The following MPPED1 variants were observed in gnomAD, a reference collection of about 807,000 sequenced individuals.
MPPED1 encodes the protein metallophosphoesterase domain-containing protein 1.
Under a neutral mutation model 36.2 loss-of-function variants are expected in MPPED1, and 16 were observed. The ratio of observed to expected loss-of-function variants is 0.44; its 90% CI spans 0.30 to 0.67. The LOEUF (loss-of-function observed/expected upper bound fraction) is 0.67, where lower values mean the gene tolerates loss of function less well. Ranked by LOEUF, MPPED1 falls within the 30% of genes least tolerant of loss-of-function variation. The probability of loss-of-function intolerance (pLI) is 0.10; values close to 1 mark genes in which losing one functional copy is unlikely to be tolerated. For missense variants in MPPED1, 307 were observed against 453.4 expected (o/e 0.68, Z 2.93); for synonymous variants, 199 against 191.3 (o/e 1.04, Z -0.33).
chr22:43,496,295 G>A (rs867992002), intron 4 of MPPED1, among the ~76,000 whole-genome samples: 2 of 56,958 alleles, frequency 3.5e-5, no homozygotes, highest in African/African-American at 1.6e-4. Context: ...GGTGGAGGTG[G>A]TGGTGGAGGT....
chr22:43,440,382 G>C (rs1569070499), intron 3 of MPPED1, among the ~76,000 whole-genome samples: 2 of 152,134 alleles, frequency 1.3e-5, no homozygotes, highest in Non-Finnish European at 2.9e-5. Context: ...GATGAAATGT[G>C]CTAGCATGCA....
At chr22:43,498,699 C>T (rs1013378999) in intron 5 of MPPED1, among the ~76,000 whole-genome samples, 1 of 152,088 alleles carries the variant, frequency 6.6e-6, no homozygotes, top group Non-Finnish European at 1.5e-5. Context: ...CTCCGGGCAG[C>T]CCTAACTCCC....
intron 3 of MPPED1, among the ~76,000 whole-genome samples, chr22:43,458,151 A>G (rs1336405159): frequency 6.6e-6 from 1 of 152,214 alleles, no homozygotes; most frequent in African/African-American, 2.4e-5. Flanking sequence ...TGTTTGTACA[A>G]TATCAAAATC....
intron 1 of MPPED1, among the ~76,000 whole-genome samples, chr22:43,421,285 C>A (rs2146815027): frequency 6.6e-6 from 1 of 152,364 alleles, no homozygotes; most frequent in South Asian, 2.1e-4. Flanking sequence ...ATTAAATGGG[C>A]ATTAAAAGAA....
chr22:43,470,902 G>A (rs1384838721), intron 3 of MPPED1, among the ~76,000 whole-genome samples: 6 of 152,362 alleles, frequency 3.9e-5, no homozygotes, highest in Non-Finnish European at 1.5e-5. Flanking sequence ...GTGTTCATAA[G>A]TGGATGTCCC....
intron 1 of MPPED1, among the ~76,000 whole-genome samples, chr22:43,420,864 CTT>C (rs1212082773): frequency 6.6e-6 from 1 of 152,238 alleles, no homozygotes; most frequent in Non-Finnish European, 1.5e-5. Context: ...GCAGGAGCCT[CTT>C]TGTTTTTCCA....
At chr22:43,465,418 G>A (rs766985930) in intron 3 of MPPED1, among the ~76,000 whole-genome samples, 4 of 152,354 alleles carry the variant, frequency 2.6e-5, no homozygotes, top group East Asian at 1.9e-4. Context: ...TGACCTCCCC[G>A]GCCCTTGCCA....
chr22:43,495,252 AGGTGGTGATGGAGGT>A, intron 4 of MPPED1, among the ~76,000 whole-genome samples: 1 of 99,486 alleles, frequency 1.0e-5, no homozygotes, highest in Non-Finnish European at 2.1e-5. Context: ...GTGGTGATGG[AGGTGGTGATGGAGGT>A]GGTGGTGGTG....
In MPPED1 at chr22:43,480,295, G is replaced by A. The variant is rs185073427; in HGVS notation, c.632+5334G>A. Among the ~76,000 whole-genome samples, 186 of 152,280 alleles carry A rather than the reference G, an allele frequency of 1.2e-3. 1 individual carries two copies. Among genetic ancestry groups the A allele is most frequent in the African/African-American group, 4.2e-3 (174 of 41,544 alleles). ...CTACTGGGGGCAGGGGCCTGTGACT[G>A]TTGGCATCCTCTGCTTACCCAGCCT... On this transcript the variant is annotated intron_variant, in intron 4 of 6. Coordinates refer to ENST00000443721, the MANE Select transcript of MPPED1 (RefSeq NM_001044370.2).
intron 3 of MPPED1, among the ~76,000 whole-genome samples, chr22:43,455,529 T>C (rs972126507): frequency 2.0e-5 from 3 of 152,200 alleles, no homozygotes; most frequent in African/African-American, 4.8e-5. Context: ...TCTGAGGTAC[T>C]AGGGATTAAG....
At chr22:43,437,432 G>A (rs1351637363) in intron 3 of MPPED1, among the ~76,000 whole-genome samples, 1 of 152,186 alleles carries the variant, frequency 6.6e-6, no homozygotes, top group Non-Finnish European at 1.5e-5. Flanking sequence ...CCAGAGAAGT[G>A]AAGCCACTTA....
At chr22:43,453,435 T>C (rs1930643763) in intron 3 of MPPED1, among the ~76,000 whole-genome samples, 1 of 152,060 alleles carries the variant, frequency 6.6e-6, no homozygotes, top group African/African-American at 2.4e-5. Flanking sequence ...TCCAGGGTCT[T>C]TGGCCAAACC....
At chr22:43,500,355 ATGGAGGTGGTGATGGGGGTGG>A (rs1932680459) in intron 5 of MPPED1, among the ~76,000 whole-genome samples, 1 of 33,760 alleles carries the variant, frequency 3.0e-5, no homozygotes, top group African/African-American at 1.3e-4. Context: ...GGTGATGGTG[ATGGAGGTGGTGATGGGGGTGG>A]TGGTGGTGAT....
intron 1 of MPPED1, among the ~76,000 whole-genome samples, chr22:43,423,514 ATGTTT>A (rs1446404828): frequency 4.6e-5 from 7 of 152,148 alleles, no homozygotes; most frequent in African/African-American, 1.7e-4. Flanking sequence ...GAAGAGGGAT[ATGTTT>A]TGGGAATCAG....
chr22:43,430,743 T>G (rs576130808), intron 2 of MPPED1, among the ~76,000 whole-genome samples: 15 of 152,108 alleles, frequency 9.9e-5, no homozygotes, highest in South Asian at 4.2e-4. Context: ...ACTTTTTTTT[T>G]GGGGGGGAGT....
chr22:43,447,859 TTATATATA>T lies in MPPED1; in HGVS notation c.406+12662_406+12669del, dbSNP rs1238294657. Among the ~76,000 whole-genome samples, 62 of 62,526 alleles carry T rather than the reference TTATATATA, an allele frequency of 9.9e-4. 3 individuals carry two copies. Among genetic ancestry groups the T allele is most frequent in the African/African-American group, 3.0e-3 (57 of 18,762 alleles). The allele number at this position is 62,526 out of a possible 152,430, so 41.0% of individuals were successfully genotyped here. ...TAAAAATATTTTATATATGTAAATA[TTATATATA>T]TATATATATATATATATTTTTTTTT... is the stretch of plus-strand genomic sequence containing the variant. On this transcript the variant is annotated intron_variant, in intron 3 of 6. Transcript: ENST00000443721.
At chr22:43,427,781 T>A (rs979279634) in intron 2 of MPPED1, among the ~76,000 whole-genome samples, 17 of 151,982 alleles carry the variant, frequency 1.1e-4, no homozygotes, top group African/African-American at 4.1e-4. Flanking sequence ...AGGGACCACA[T>A]GTTCCCCTGA....
intron 2 of MPPED1, among the ~76,000 whole-genome samples, chr22:43,434,222 C>G (rs1224927909): frequency 6.6e-6 from 1 of 152,178 alleles, no homozygotes; most frequent in African/African-American, 2.4e-5. Context: ...ATGTGCAGAC[C>G]CAGGCTGTGG....
chr22:43,477,846 T>G (rs1348294418), intron 4 of MPPED1, among the ~76,000 whole-genome samples: 1 of 152,172 alleles, frequency 6.6e-6, no homozygotes, highest in Admixed American at 6.5e-5. Flanking sequence ...TGGCTCAGCC[T>G]CTCTGGTCTT....
Sources: gnomAD v4.1 joint callset for allele counts (sites outside exome capture counted in the v4.1 genomes callset) on GRCh38, gnomAD v4.1.1 for gene constraint, MANE v1.5 for transcripts, NCBI Gene and HGNC (gene_info 2026-07-23, HGNC 2026-07-21) for gene names.